Variants in TRPM7 observed in about 807,000 individuals in gnomAD.
TRPM7 encodes transient receptor potential cation channel subfamily M member 7, also known as LTRPC ion channel family member 7.
A neutral mutation model predicts 229.7 loss-of-function variants in TRPM7; 134 were observed. The ratio of observed to expected loss-of-function variants is 0.58; its 90% confidence interval spans 0.51 to 0.67. The LOEUF (loss-of-function observed/expected upper bound fraction) is 0.67. TRPM7 is among the 30% of genes least tolerant of loss of function. The pLI, the probability that TRPM7 is intolerant of heterozygous loss-of-function variation, is 0.00. For missense variants in TRPM7, 1,901 were observed against 2,210.0 expected (o/e 0.86, Z 2.80); for synonymous variants, 699 against 715.2 (o/e 0.98, Z 0.36).
intron 1 of TRPM7, among the ~76,000 whole-genome samples, chr15:50,671,778 C>G (rs1032133089): frequency 6.6e-6 from 1 of 152,076 alleles, no homozygotes; most frequent in Non-Finnish European, 1.5e-5. Context: ...CCACTACACT[C>G]CAGCCTGGGT....
chr15:50,619,831 T>C (rs753476006), intron 12 of TRPM7, 33 bp from the exon 13 acceptor site: 49 of 1,559,068 alleles, frequency 3.1e-5, no homozygotes, highest in African/African-American at 4.1e-5. Flanking sequence ...CAAACTATTA[T>C]TTTTCTTCTA....
At chr15:50,671,926 G>C (rs2061997356) in intron 1 of TRPM7, among the ~76,000 whole-genome samples, 1 of 152,194 alleles carries the variant, frequency 6.6e-6, no homozygotes, top group African/African-American at 2.4e-5. Flanking sequence ...TTACATAGAA[G>C]TATGGCATAT....
At chr15:50,625,773 T>C (rs1567034906) in intron 11 of TRPM7, among the ~76,000 whole-genome samples, 1 of 152,204 alleles carries the variant, frequency 6.6e-6, no homozygotes, top group Non-Finnish European at 1.5e-5. Context: ...GTATGTTTTC[T>C]GTGACATTTT....
At chr15:50,653,202 G>C (rs2061472309) in intron 3 of TRPM7, among the ~76,000 whole-genome samples, 1 of 152,136 alleles carries the variant, frequency 6.6e-6, no homozygotes, top group African/African-American at 2.4e-5. Context: ...TGCAATCCCA[G>C]CTCTTAAGGA....
intron 31 of TRPM7, 52 bp downstream of exon 31, chr15:50,578,587 G>C: frequency 6.4e-7 from 1 of 1,559,532 alleles, no homozygotes. Flanking sequence ...TGCTGTAACA[G>C]ATCATGTAAG....
At chr15:50,576,055 T>TA (rs2054115989) in intron 31 of TRPM7, 136 bp from the exon 32 acceptor site, 5 of 823,270 alleles carry the variant, frequency 6.1e-6, no homozygotes, top group Middle Eastern at 3.7e-4. Flanking sequence ...AAATTAGGGA[T>TA]AAAATATGTC....
In TRPM7 at chr15:50,561,479, C is replaced by T; in HGVS notation, c.*199G>A. Reference sequence around the variant, plus strand: ...ATCAATTACCTTTAAAATTTCTCAGCTGCCAGCTCTATCCTATAGGGACTT... The same window carrying T: ...ATCAATTACCTTTAAAATTTCTCAGTTGCCAGCTCTATCCTATAGGGACTT... On this transcript the variant is annotated 3_prime_UTR_variant, in exon 39 of 39. Transcript: ENST00000646667. 2.0e-6 allele frequency: 1 copy of T among 506,974 alleles called. No individual in the cohort carries two copies. Among genetic ancestry groups the T allele is most frequent in the East Asian group, 3.5e-5 (1 of 28,848 alleles). The allele number at this position is 506,974 out of a possible 1,614,324, so 31.4% of individuals were successfully genotyped here.
chr15:50,602,774 A>C (rs2059815212), intron 21 of TRPM7, among the ~76,000 whole-genome samples: 1 of 152,212 alleles, frequency 6.6e-6, no homozygotes, highest in Non-Finnish European at 1.5e-5. Context: ...AACCATTATG[A>C]AACTTCCAAA....
At chr15:50,613,338 C>G (rs1254702980) in intron 15 of TRPM7, among the ~76,000 whole-genome samples, 1 of 151,796 alleles carries the variant, frequency 6.6e-6, no homozygotes, top group African/African-American at 2.4e-5. Flanking sequence ...CCAGTCTCTA[C>G]TAAAAATACA....
chr15:50,652,328 C>CAAAAAAAAAAAAA (rs34122648), intron 3 of TRPM7, among the ~76,000 whole-genome samples: 2 of 34,226 alleles, frequency 5.8e-5, no homozygotes, highest in African/African-American at 1.4e-4. Context: ...GACTCCATCT[C>CAAAAAAAAAAAAA]AAAAAAAAAA....
chr15:50,664,012 A>G (rs1263569957), intron 1 of TRPM7, among the ~76,000 whole-genome samples: 1 of 152,018 alleles, frequency 6.6e-6, no homozygotes, highest in Non-Finnish European at 1.5e-5. Context: ...TAGAATTGAC[A>G]GATTTGGCCG....
At chr15:50,583,299 G>A (rs749740771) in intron 28 of TRPM7, 140 bp from the exon 29 acceptor site, 3 of 481,038 alleles carry the variant, frequency 6.2e-6, no homozygotes, top group African/African-American at 2.0e-5. Flanking sequence ...GAACACAAGA[G>A]TTACATGAGG....
chr15:50,609,684 C>A lies in TRPM7; in HGVS notation c.2477G>T (p.Gly826Val), dbSNP rs746471018. Residue 826 changes from glycine to valine, a missense_variant, in exon 19 of 39, where the codon GGA (glycine) becomes GTA (valine). Transcript: ENST00000646667. Reference protein sequence around the residue: ...KEVRILDSNEGKNEMEIQMKS... With the variant: ...KEVRILDSNEVKNEMEIQMKS... ...CATTTGTATCTCCATCTCATTCTTT[C>A]CTTCATTACTATCCAAAATCCGTAC... The A allele has an allele frequency of 1.5e-5, 24 of 1,606,492 alleles. No individual in the cohort carries two copies. In the African/African-American group the frequency reaches 3.2e-4, roughly 22 times the overall value.
intron 22 of TRPM7, among the ~76,000 whole-genome samples, chr15:50,596,879 T>C (rs1213405492): frequency 6.6e-6 from 1 of 152,256 alleles, no homozygotes; most frequent in East Asian, 1.9e-4. Context: ...GCCGCCCGAA[T>C]AGCTGGGACA....
chr15:50,588,377 A>G (rs1159468122), intron 27 of TRPM7: 1 of 163,186 alleles, frequency 6.1e-6, no homozygotes. Context: ...AGTTATCAAT[A>G]TCTAGTTAAT....
In TRPM7 at chr15:50,612,623, A is replaced by G. The variant is rs2060092372; in HGVS notation, c.1977T>C (p.Tyr659=). 3 of 1,614,184 alleles carry G rather than the reference A, an allele frequency of 1.9e-6. No homozygotes were observed. Among genetic ancestry groups the G allele is most frequent in the Non-Finnish European group, 2.5e-6 (3 of 1,180,014 alleles). Reference sequence around the variant, plus strand: ...GCTTTGCTTCATATGCCATTGAACGATAGATCTTACAGGCAACTAATGCTT... The same window carrying G: ...GCTTTGCTTCATATGCCATTGAACGGTAGATCTTACAGGCAACTAATGCTT... ...MAKALVACKI[Y]RSMAYEAKQS... The change falls in exon 16 of 39, where the codon TAT becomes TAC. Residue 659 remains tyrosine (Y), a synonymous_variant. Coordinates refer to ENST00000646667, the MANE Select transcript of TRPM7 (RefSeq NM_017672.6).
At chr15:50,562,340 T>C (rs1008315621) in intron 38 of TRPM7, among the ~76,000 whole-genome samples, 1 of 152,146 alleles carries the variant, frequency 6.6e-6, no homozygotes, top group African/African-American at 2.4e-5. Flanking sequence ...ATATTGACCA[T>C]GAGTCAGAAA....
At chr15:50,655,485 T>G (rs976022499) in intron 3 of TRPM7, among the ~76,000 whole-genome samples, 1 of 149,750 alleles carries the variant, frequency 6.7e-6, no homozygotes, top group South Asian at 2.1e-4. Context: ...GGTAAAAAAT[T>G]TGAACGTGCA....
chr15:50,613,260 T>A (rs1375076419), intron 15 of TRPM7, among the ~76,000 whole-genome samples: 1 of 152,096 alleles, frequency 6.6e-6, no homozygotes, highest in Non-Finnish European at 1.5e-5. Flanking sequence ...TCCCAGCAGT[T>A]TGGGAGGCTG....
Sources: allele counts gnomAD v4.1 joint callset (sites outside exome capture counted in the v4.1 genomes callset), GRCh38; gene constraint gnomAD v4.1.1; transcripts MANE v1.5; gene names NCBI Gene and HGNC (gene_info 2026-07-23, HGNC 2026-07-21).